CDYL: variants seen among roughly 807,000 people sequenced by gnomAD.
The protein encoded by CDYL is chromodomain Y like.
A neutral mutation model predicts 47.3 loss-of-function variants in CDYL; 8 were observed. That is an observed-to-expected ratio of 0.17 (90% CI 0.10 to 0.31). CDYL has a LOEUF of 0.31. Ranked by LOEUF, CDYL falls within the 10% of genes least tolerant of loss-of-function variation. The pLI, the probability that CDYL is intolerant of heterozygous loss-of-function variation, is 1.00. For missense variants in CDYL, 471 were observed against 701.4 expected, an observed-to-expected ratio of 0.67 and a Z score of 3.71; for synonymous variants, 266 against 265.0, an observed-to-expected ratio of 1.00 and a Z score of -0.04.
chr6:4,861,550 A>C (rs1761170294), intron 1 of CDYL, among the ~76,000 whole-genome samples: 1 of 152,236 alleles, frequency 6.6e-6, no homozygotes. Context: ...TAGGACAGGA[A>C]ATGGAAACCT....
chr6:4,725,734 A>C (rs987503981), intron 2 of CDYL, among the ~76,000 whole-genome samples: 2 of 152,220 alleles, frequency 1.3e-5, no homozygotes, highest in Non-Finnish European at 2.9e-5. Flanking sequence ...AGCCTTGGCC[A>C]GCCCAGAAAG....
intron 4 of CDYL, among the ~76,000 whole-genome samples, chr6:4,942,234 A>G (rs1306860525): frequency 6.6e-6 from 1 of 152,194 alleles, no homozygotes; most frequent in Non-Finnish European, 1.5e-5. Context: ...CTTGGGGGCT[A>G]GGCTGAGGTC....
intron 1 of CDYL, among the ~76,000 whole-genome samples, chr6:4,876,521 A>T (rs1357993705): frequency 2.6e-5 from 4 of 151,076 alleles, no homozygotes; most frequent in African/African-American, 9.7e-5. Context: ...TCTGATGGGC[A>T]TGTAGTTGTA....
At chr6:4,722,057 G>C (rs1757380101) in intron 2 of CDYL, among the ~76,000 whole-genome samples, 1 of 152,084 alleles carries the variant, frequency 6.6e-6, no homozygotes, top group African/African-American at 2.4e-5. Context: ...ATTTCATCAT[G>C]TTGGTCAGGC....
intron 1 of CDYL, among the ~76,000 whole-genome samples, chr6:4,844,558 G>T (rs186286067): frequency 2.0e-5 from 3 of 152,282 alleles, no homozygotes; most frequent in African/African-American, 7.2e-5. Flanking sequence ...AATTAGTCCT[G>T]CCTTTCTGTC....
chr6:4,908,462 A>G lies in CDYL; in HGVS notation c.691+16083A>G, dbSNP rs541697468. 3.0e-4 allele frequency among the ~76,000 whole-genome samples: 45 copies of G among 152,302 alleles called. 1 individual carries two copies. The South Asian group carries it at 8.7e-3, about 29-fold the overall frequency. ...TAGAAATTTGCTTAAGGAAGTATCT[A>G]ATTTCACTGTAGTTTGCTCAGCCTT... On this transcript the variant is annotated intron_variant, in intron 2 of 6. Transcript: ENST00000397588.
chr6:4,936,348 A>G (rs1758192004), intron 3 of CDYL, among the ~76,000 whole-genome samples: 1 of 152,194 alleles, frequency 6.6e-6, no homozygotes, highest in African/African-American at 2.4e-5. Flanking sequence ...AAAGGTTAGA[A>G]CATGAATTTT....
chr6:4,837,466 GTTT>G (rs367959545), intron 1 of CDYL, among the ~76,000 whole-genome samples: 1 of 136,746 alleles, frequency 7.3e-6, no homozygotes, highest in Non-Finnish European at 1.6e-5. Flanking sequence ...TGTTGTCGTT[GTTT>G]TTTTTTTTTT....
rs952243134 is a variant in CDYL, at chr6:4,749,931, G to C, written c.186+15087G>C. ...TCCAAGTAGGGGGTTCAGATGAGAG[G>C]GCAGATTTCCCATGTACTGAGGAGG... On this transcript the variant is annotated intron_variant, in intron 3 of 8. Coordinates refer to the CDYL transcript ENST00000328908. Among the ~76,000 whole-genome samples, 7 of 152,256 alleles carry C rather than the reference G, an allele frequency of 4.6e-5. No homozygotes were observed. In the East Asian group the frequency reaches 1.4e-3, roughly 29 times the overall value.
chr6:4,816,092 A>G (rs929667085), intron 1 of CDYL, among the ~76,000 whole-genome samples: 7 of 151,490 alleles, frequency 4.6e-5, no homozygotes, highest in African/African-American at 1.7e-4. Context: ...AGTTTATTGA[A>G]TTTCATGTTT....
chr6:4,725,368 C>G (rs976637131), intron 2 of CDYL, among the ~76,000 whole-genome samples: 2 of 152,204 alleles, frequency 1.3e-5, no homozygotes, highest in Non-Finnish European at 2.9e-5. Context: ...GACTGGGCGC[C>G]GTGGAGCAGG....
chr6:4,874,954 C>G (rs1234313140), intron 1 of CDYL, among the ~76,000 whole-genome samples: 1 of 152,146 alleles, frequency 6.6e-6, no homozygotes, highest in Admixed American at 6.5e-5. Context: ...CAGTGGGTAC[C>G]TGGGCTGATT....
chr6:4,920,687 C>T (rs1250974227), intron 2 of CDYL, among the ~76,000 whole-genome samples: 10 of 152,240 alleles, frequency 6.6e-5, no homozygotes, highest in East Asian at 1.9e-4. Flanking sequence ...GGTGTGATCT[C>T]GGCTCACTGC....
At chr6:4,932,578 T>C in intron 2 of CDYL, among the ~76,000 whole-genome samples, 1 of 152,188 alleles carries the variant, frequency 6.6e-6, no homozygotes, top group East Asian at 1.9e-4. Context: ...ATAGCAGCAA[T>C]TGAAAAATCC....
At chr6:4,832,346 G>A (rs1760171145) in intron 1 of CDYL, among the ~76,000 whole-genome samples, 1 of 151,766 alleles carries the variant, frequency 6.6e-6, no homozygotes, top group Non-Finnish European at 1.5e-5. Context: ...TGTGGTTTTT[G>A]TCTTTGGCTC....
chr6:4,777,023 TGGG>T (rs1250362537), intron 1 of CDYL, among the ~76,000 whole-genome samples: 1 of 67,478 alleles, frequency 1.5e-5, no homozygotes, highest in Non-Finnish European at 3.2e-5. Flanking sequence ...GGGCGTGGGG[TGGG>T]GGGGGGGGTC....
intron 1 of CDYL, among the ~76,000 whole-genome samples, chr6:4,875,770 A>G (rs563496759): frequency 1.4e-4 from 22 of 152,282 alleles, no homozygotes; most frequent in Non-Finnish European, 2.8e-4. Context: ...ACATACAACT[A>G]AGTTGAAAAG....
At chr6:4,839,628 C>A (rs1435199127) in intron 1 of CDYL, among the ~76,000 whole-genome samples, 1 of 152,128 alleles carries the variant, frequency 6.6e-6, no homozygotes, top group East Asian at 1.9e-4. Flanking sequence ...GTTTCATTCT[C>A]CTACATGTGG....
At chr6:4,869,198 C>A (rs554065438) in intron 1 of CDYL, among the ~76,000 whole-genome samples, 1 of 151,772 alleles carries the variant, frequency 6.6e-6, no homozygotes, top group Non-Finnish European at 1.5e-5. Flanking sequence ...TGGGTTCAAG[C>A]GATTCTCCTG....
Sources: gnomAD v4.1 joint callset for allele counts (sites outside exome capture counted in the v4.1 genomes callset) on GRCh38, gnomAD v4.1.1 for gene constraint, MANE v1.5 for transcripts, NCBI Gene and HGNC (gene_info 2026-07-23, HGNC 2026-07-21) for gene names.